ZNF644: variants seen among roughly 807,000 people sequenced by gnomAD.
The protein encoded by ZNF644 is zinc finger protein 644.
A neutral mutation model predicts 108.0 loss-of-function variants in ZNF644; 20 were observed. The ratio of observed to expected loss-of-function variants is 0.19; its 90% CI spans 0.13 to 0.27. The LOEUF (loss-of-function observed/expected upper bound fraction) is 0.27, where lower values mean the gene tolerates loss of function less well. ZNF644 is among the 10% of genes least tolerant of loss of function. The probability of loss-of-function intolerance (pLI) is 1.00; values close to 1 mark genes in which losing one functional copy is unlikely to be tolerated. For synonymous variants in ZNF644, 542 were observed against 539.1 expected, an observed-to-expected ratio of 1.01 and a Z score of -0.08; for missense variants, 1,338 against 1,548.9, an observed-to-expected ratio of 0.86 and a Z score of 2.29.
chr1:90,979,298 C>A (rs979588000), intron 2 of ZNF644, among the ~76,000 whole-genome samples: 3 of 151,950 alleles, frequency 2.0e-5, no homozygotes, highest in African/African-American at 7.3e-5. Context: ...ATAGTGAAAC[C>A]CCATCTCTAC....
chr1:91,007,757 G>T lies in ZNF644; in HGVS notation c.-18+14233C>A, dbSNP rs914387308. Among the ~76,000 whole-genome samples the T allele has an allele frequency of 3.3e-5, 5 of 152,124 alleles. No individual in the cohort carries two copies. In the South Asian group the frequency reaches 8.3e-4, roughly 25 times the overall value. On this transcript the variant is annotated intron_variant, in intron 1 of 5. Transcript: ENST00000337393. ...TCATAGCATCCTTTCTTGTTTCAAA[G>T]ATGCAATACCTTTACTTCTGAAGAA...
chr1:90,918,301 A>T, intron 4 of ZNF644, 147 bp from the exon 5 acceptor site: 1 of 696,308 alleles, frequency 1.4e-6, no homozygotes, highest in Non-Finnish European at 2.6e-6. Flanking sequence ...GCATGCATTC[A>T]ACTTGCTGAT....
chr1:90,957,594 G>A (rs1653878793), intron 2 of ZNF644, among the ~76,000 whole-genome samples: 1 of 152,038 alleles, frequency 6.6e-6, no homozygotes. Flanking sequence ...CATGAAAAAA[G>A]CAAAACACTC....
chr1:90,954,471 A>G (rs1438148272), intron 2 of ZNF644, among the ~76,000 whole-genome samples: 1 of 151,272 alleles, frequency 6.6e-6, no homozygotes, highest in Non-Finnish European at 1.5e-5. Flanking sequence ...CAGTATTGCC[A>G]TCTCAGCTCA....
rs1046933943 is a variant in ZNF644, at chr1:91,006,356, C to A, written c.-18+15634G>T. 2.6e-5 allele frequency among the ~76,000 whole-genome samples: 4 copies of A among 152,180 alleles called. No homozygotes were observed. The East Asian group carries it at 7.7e-4, about 29-fold the overall frequency. On this transcript the variant is annotated intron_variant, in intron 1 of 5. Transcript: ENST00000337393. ...CCCAGGAGTTCCAGGCTGCAGTGAG[C>A]CAAGACTGTGCCATTGCACTCCAGC...
intron 2 of ZNF644, 95 bp downstream of exon 2, chr1:90,982,213 CTT>C (rs1407066495): frequency 5.0e-6 from 5 of 1,006,714 alleles, no homozygotes; most frequent in African/African-American, 1.6e-5. Context: ...TTTAAAAACT[CTT>C]TGGTTCTGAA....
intron 1 of ZNF644, among the ~76,000 whole-genome samples, chr1:90,983,755 C>CGT (rs1656814669): frequency 6.6e-6 from 1 of 152,054 alleles, no homozygotes; most frequent in Non-Finnish European, 1.5e-5. Flanking sequence ...GGTGAAACCC[C>CGT]GTCTCTACTA....
chr1:91,002,440 A>G (rs1658942542), intron 1 of ZNF644, among the ~76,000 whole-genome samples: 1 of 152,240 alleles, frequency 6.6e-6, no homozygotes, highest in African/African-American at 2.4e-5. Context: ...AGGATTCCCT[A>G]TTTAACAAAT....
At chr1:91,017,135 T>C (rs949001460) in intron 1 of ZNF644, among the ~76,000 whole-genome samples, 2 of 152,006 alleles carry the variant, frequency 1.3e-5, no homozygotes, top group Admixed American at 6.6e-5. Context: ...ACCCGGCCTA[T>C]ATAAAGTATT....
In ZNF644 at chr1:90,938,966, C is replaced by T; in HGVS notation, c.2388G>A (p.Arg796=). ...ISDPHKPDAK[R]PESFKDHRRV... ...GTCTGTGATCTTTGAAGCTTTCAGG[C>T]CTTTTGGCGTCAGGCTTATGAGGGT... Residue 796 remains arginine, a synonymous_variant, in exon 3 of 6, where the codon AGG becomes AGA. Coordinates refer to ENST00000337393, the MANE Select transcript of ZNF644 (RefSeq NM_201269.3). This position sits in a 1 kb window ranked among gnomAD's most constrained non-coding sequence, Gnocchi z 4.2. 1.2e-6 allele frequency: 2 copies of T among 1,613,948 alleles called. No individual in the cohort carries two copies.
chr1:90,987,000 G>A (rs1236242179), intron 1 of ZNF644, among the ~76,000 whole-genome samples: 1 of 150,188 alleles, frequency 6.7e-6, no homozygotes, highest in East Asian at 1.9e-4. Flanking sequence ...AAACCATTAC[G>A]TTATGAGATG....
At chr1:91,009,387 T>A (rs1659739107) in intron 1 of ZNF644, among the ~76,000 whole-genome samples, 2 of 152,188 alleles carry the variant, frequency 1.3e-5, no homozygotes, top group African/African-American at 4.8e-5. Flanking sequence ...AATTCTTCTA[T>A]TTTAAAAATG....
intron 1 of ZNF644, among the ~76,000 whole-genome samples, chr1:91,001,533 T>A (rs1658818479): frequency 6.6e-6 from 1 of 152,174 alleles, no homozygotes; most frequent in South Asian, 2.1e-4. Flanking sequence ...ATGGGACGTA[T>A]CTCAAAATAA....
At chr1:91,002,198 C>CA (rs1658915550) in intron 1 of ZNF644, among the ~76,000 whole-genome samples, 1 of 152,046 alleles carries the variant, frequency 6.6e-6, no homozygotes, top group African/African-American at 2.4e-5. Context: ...CATATGGAAC[C>CA]AAAAAAGAGC....
chr1:91,004,812 C>T (rs1283668509), intron 1 of ZNF644, among the ~76,000 whole-genome samples: 2 of 151,984 alleles, frequency 1.3e-5, no homozygotes, highest in South Asian at 2.1e-4. Context: ...CCCAGGGCAA[C>T]CACTACAAAA....
intron 1 of ZNF644, chr1:91,021,497 A>G (rs1263890461): frequency 6.5e-6 from 1 of 152,918 alleles, no homozygotes; most frequent in Non-Finnish European, 1.5e-5. Context: ...AGGCTCCCCA[A>G]GCCGCCTGAT....
rs887040378 is a variant in ZNF644, at chr1:90,916,191, TA to T, written c.*606del. ...CATATTTCTTTTAGAAATACTTGTT[TA>T]AACAAATCTCCCTCCACTTTTTAGT... On this transcript the variant is annotated 3_prime_UTR_variant, in exon 6 of 6. Transcript: ENST00000337393. 1 of 152,624 alleles carries T rather than the reference TA, an allele frequency of 6.6e-6. No individual in the cohort carries two copies. Among genetic ancestry groups the T allele is most frequent in the Non-Finnish European group, 1.5e-5 (1 of 68,060 alleles). The allele number at this position is 152,624 out of a possible 1,614,324, so 9.5% of individuals were successfully genotyped here. A position where few individuals can be genotyped will look rare whatever the true frequency, so the allele number is the denominator to read the frequency against.
chr1:90,930,874 C>A (rs933904922), intron 4 of ZNF644, among the ~76,000 whole-genome samples: 2 of 152,162 alleles, frequency 1.3e-5, no homozygotes, highest in African/African-American at 4.8e-5. Flanking sequence ...CTTCCTTTAA[C>A]AACATTCTCT....
At chr1:90,998,044 C>T (rs1658344025) in intron 1 of ZNF644, among the ~76,000 whole-genome samples, 1 of 152,180 alleles carries the variant, frequency 6.6e-6, no homozygotes, top group African/African-American at 2.4e-5. Context: ...AACAAAGCGG[C>T]CAGGAAGCTC....
Sources: gnomAD v4.1 joint callset for allele counts (sites outside exome capture counted in the v4.1 genomes callset) on GRCh38, gnomAD v4.1.1 for gene constraint, Gnocchi (gnomAD v3.1) non-coding constraint, MANE v1.5 for transcripts, NCBI Gene and HGNC (gene_info 2026-07-23, HGNC 2026-07-21) for gene names.